The following CDH8 variants were observed in gnomAD, a reference collection of about 807,000 sequenced individuals.
The protein encoded by CDH8 is cadherin 8, also known as cadherin-8.
In CDH8, 17 loss-of-function variants were observed where a neutral mutation model predicts 68.1. The observed-to-expected ratio is 0.25, with a 90% CI of 0.17 to 0.37. The LOEUF is 0.37. Ranked by LOEUF, CDH8 falls within the 10% of genes least tolerant of loss-of-function variation. The probability of loss-of-function intolerance (pLI) is 1.00; values close to 1 mark genes in which losing one functional copy is unlikely to be tolerated. For synonymous variants in CDH8, 372 were observed against 365.1 expected, an observed-to-expected ratio of 1.02 and a Z score of -0.21; for missense variants, 763 against 999.3, an observed-to-expected ratio of 0.76 and a Z score of 3.19.
intron 10 of CDH8, among the ~76,000 whole-genome samples, chr16:61,710,326 G>C (rs1270634441): frequency 6.6e-6 from 1 of 152,068 alleles, no homozygotes; most frequent in African/African-American, 2.4e-5. Context: ...GGTTGAGACA[G>C]AAATCTATCA....
chr16:62,014,122 G>C (rs1477591751), intron 2 of CDH8, among the ~76,000 whole-genome samples: 1 of 152,146 alleles, frequency 6.6e-6, no homozygotes, highest in East Asian at 1.9e-4. Flanking sequence ...CGATTTGGGA[G>C]TTTGCTCATG....
chr16:61,788,530 G>T (rs1026702496), intron 8 of CDH8, among the ~76,000 whole-genome samples: 3 of 151,914 alleles, frequency 2.0e-5, no homozygotes, highest in Non-Finnish European at 4.4e-5. Flanking sequence ...TTTTTGCTAG[G>T]AAATAAAATG....
At chr16:61,891,808 G>C (rs530763448) in intron 3 of CDH8, among the ~76,000 whole-genome samples, 1 of 151,998 alleles carries the variant, frequency 6.6e-6, no homozygotes, top group Admixed American at 6.6e-5. Context: ...TGTTCATCAC[G>C]CTGAATGAAA....
At chr16:61,789,602 A>T in intron 7 of CDH8, 120 bp from the exon 8 acceptor site, 1 of 894,354 alleles carries the variant, frequency 1.1e-6, no homozygotes, top group Non-Finnish European at 1.6e-6. Context: ...TGGGAAACTC[A>T]GTGGCATCAT....
chr16:61,819,722 T>C (rs1250829426), intron 6 of CDH8, among the ~76,000 whole-genome samples: 2 of 152,094 alleles, frequency 1.3e-5, no homozygotes, highest in African/African-American at 4.8e-5. Flanking sequence ...ATTGGAAATA[T>C]GTCTCGTGTA....
intron 7 of CDH8, among the ~76,000 whole-genome samples, chr16:61,802,580 AG>A (rs1251381638): frequency 3.0e-4 from 6 of 19,866 alleles, no homozygotes; most frequent in African/African-American, 1.5e-3. Context: ...AAAATTTAGA[AG>A]AATGTATAAC....
At chr16:61,947,983 A>G (rs181528109) in intron 2 of CDH8, among the ~76,000 whole-genome samples, 46 of 152,238 alleles carry the variant, frequency 3.0e-4, no homozygotes, top group East Asian at 7.8e-4. Flanking sequence ...CACAGTCTCC[A>G]TTAAATCTTC....
chr16:61,873,538 T>C (rs1488421092), intron 3 of CDH8, among the ~76,000 whole-genome samples: 3 of 152,210 alleles, frequency 2.0e-5, no homozygotes, highest in Non-Finnish European at 4.4e-5. Flanking sequence ...TCAAATACGT[T>C]TACTATACAG....
chr16:61,885,362 G>A (rs553892741), intron 3 of CDH8, among the ~76,000 whole-genome samples: 4 of 152,070 alleles, frequency 2.6e-5, no homozygotes, highest in East Asian at 1.9e-4. Context: ...AAATATGTAC[G>A]CGGAACAAAA....
intron 2 of CDH8, among the ~76,000 whole-genome samples, chr16:62,019,862 T>C (rs1902029848): frequency 6.6e-6 from 1 of 152,172 alleles, no homozygotes; most frequent in South Asian, 2.1e-4. Context: ...GCTTTTATAA[T>C]AGTGTTCAAC....
intron 4 of CDH8, among the ~76,000 whole-genome samples, chr16:61,843,505 T>C (rs1014838083): frequency 2.6e-5 from 4 of 152,160 alleles, no homozygotes; most frequent in Admixed American, 2.6e-4. Context: ...CTAGGAAATG[T>C]TGGGGAGAGA....
intron 10 of CDH8, among the ~76,000 whole-genome samples, chr16:61,711,845 C>T (rs2142866110): frequency 6.6e-6 from 1 of 151,792 alleles, no homozygotes; most frequent in Admixed American, 6.6e-5. Flanking sequence ...CCACCCCTCT[C>T]ACTTTAAAAC....
chr16:61,823,305 C>T (rs1294484447), intron 5 of CDH8, among the ~76,000 whole-genome samples: 2 of 151,826 alleles, frequency 1.3e-5, no homozygotes, highest in African/African-American at 4.8e-5. Context: ...TCTCTCCCCA[C>T]CCCACCTTCC....
chr16:61,660,360 A>G (rs987063011), intron 10 of CDH8, among the ~76,000 whole-genome samples: 5 of 151,834 alleles, frequency 3.3e-5, no homozygotes, highest in African/African-American at 1.2e-4. Context: ...TTGAATTGGC[A>G]AAAGAAATGA....
At chr16:61,879,259 T>C (rs16964033) in intron 3 of CDH8, among the ~76,000 whole-genome samples, 3,816 of 152,228 alleles carry the variant, frequency 0.025, 160 homozygotes, top group African/African-American at 0.087. Flanking sequence ...TCCTCTTAAA[T>C]AGCAAGGAGA....
At chr16:61,913,794 C>T (rs902781256) in intron 2 of CDH8, among the ~76,000 whole-genome samples, 3 of 152,060 alleles carry the variant, frequency 2.0e-5, no homozygotes, top group Non-Finnish European at 4.4e-5. Flanking sequence ...ATATGTATAA[C>T]TCCTACATTA....
intron 10 of CDH8, among the ~76,000 whole-genome samples, chr16:61,703,307 C>T (rs1175731675): frequency 1.6e-4 from 24 of 152,016 alleles, no homozygotes. Context: ...TCTTCCCTAC[C>T]TACTCAACAT....
chr16:61,870,186 T>G (rs1274804452), intron 3 of CDH8, among the ~76,000 whole-genome samples: 1 of 152,192 alleles, frequency 6.6e-6, no homozygotes, highest in Non-Finnish European at 1.5e-5. Context: ...ATCACAAATT[T>G]CCAATTTACC....
intron 3 of CDH8, among the ~76,000 whole-genome samples, chr16:61,883,824 C>T (rs1017447102): frequency 1.2e-4 from 19 of 152,096 alleles, no homozygotes; most frequent in Admixed American, 2.0e-4. Context: ...ATCTATGAGA[C>T]TTCACTATCT....
Sources: gnomAD v4.1 joint callset for allele counts (sites outside exome capture counted in the v4.1 genomes callset) on GRCh38, gnomAD v4.1.1 for gene constraint, MANE v1.5 for transcripts, NCBI Gene and HGNC (gene_info 2026-07-23, HGNC 2026-07-21) for gene names.